Variants in NXPE2 observed in about 807,000 individuals in gnomAD.
NXPE2 encodes the protein NXPE family member 2.
In NXPE2, 34 loss-of-function variants were observed where a neutral mutation model predicts 34.4. That is an observed-to-expected ratio of 0.99 (90% CI 0.75 to 1.31). The LOEUF is 1.31. Ranked by LOEUF, NXPE2 falls within the 40% of genes most tolerant of loss-of-function variation. The probability of loss-of-function intolerance (pLI) is 0.00; values close to 1 mark genes in which losing one functional copy is unlikely to be tolerated. For missense variants in NXPE2, 649 were observed against 672.5 expected (o/e 0.97, Z 0.39); for synonymous variants, 235 against 231.3 (o/e 1.02, Z -0.15).
At chr11:114,701,914 C>T (rs1027086064) in intron 3 of NXPE2, among the ~76,000 whole-genome samples, 15 of 152,144 alleles carry the variant, frequency 9.9e-5, no homozygotes, top group Non-Finnish European at 1.9e-4. Context: ...GGGCTGAATG[C>T]AGGACTTAAG....
the NXPE2 span, among the ~76,000 whole-genome samples, chr11:114,627,730 G>A: frequency 6.6e-6 from 1 of 152,142 alleles, no homozygotes; most frequent in Non-Finnish European, 1.5e-5. Context: ...TTGGCAAATT[G>A]GTTAAAGAGT....
chr11:114,568,502 A>C, the NXPE2 span, among the ~76,000 whole-genome samples: 7 of 122,232 alleles, frequency 5.7e-5, no homozygotes, highest in Admixed American at 9.6e-5. Context: ...TCTCTTCTTC[A>C]CTCTCTTCCT....
At chr11:114,594,248 T>C in the NXPE2 span, among the ~76,000 whole-genome samples, 1,903 of 152,288 alleles carry the variant, frequency 0.012, 41 homozygotes, top group African/African-American at 0.043. Context: ...TACCCTGATA[T>C]GATTACTATG....
chr11:114,495,922 C>G, the NXPE2 span, among the ~76,000 whole-genome samples: 1 of 152,032 alleles, frequency 6.6e-6, no homozygotes, highest in Non-Finnish European at 1.5e-5. Context: ...CTGTCCTCTC[C>G]TTGAGCGCAG....
At chr11:114,797,475 C>T in the NXPE2 span, among the ~76,000 whole-genome samples, 194 of 152,220 alleles carry the variant, frequency 1.3e-3, no homozygotes, top group Non-Finnish European at 2.0e-3. Context: ...AGGTAGCTTC[C>T]GCCAGGTCAC....
chr11:114,531,891 T>C, the NXPE2 span, among the ~76,000 whole-genome samples: 1 of 152,222 alleles, frequency 6.6e-6, no homozygotes, highest in Non-Finnish European at 1.5e-5. Context: ...TTTCCAATCT[T>C]GCTGGTAGTC....
At chr11:114,530,332 A>G in the NXPE2 span, 4 of 1,614,170 alleles carry the variant, frequency 2.5e-6, no homozygotes, top group Non-Finnish European at 2.5e-6. Context: ...TCAGCATTTG[A>G]GTTTAGGGTC....
At chr11:114,530,038 C>T in the NXPE2 span, 1 of 854,664 alleles carries the variant, frequency 1.2e-6, no homozygotes, top group South Asian at 1.8e-5. Flanking sequence ...TGAGTAGAGG[C>T]CCCAAGAAGA....
chr11:114,472,294 G>T, the NXPE2 span, among the ~76,000 whole-genome samples: 1 of 152,128 alleles, frequency 6.6e-6, no homozygotes, highest in African/African-American at 2.4e-5. Flanking sequence ...CCTAAAGCAG[G>T]GGTGTTTAAT....
chr11:114,628,948 T>G, the NXPE2 span, among the ~76,000 whole-genome samples: 1 of 152,058 alleles, frequency 6.6e-6, no homozygotes, highest in Admixed American at 6.6e-5. Context: ...CCTCGACACA[T>G]ACACCCTCCC....
chr11:114,534,772 G>A, the NXPE2 span, among the ~76,000 whole-genome samples: 1,289 of 152,242 alleles, frequency 8.5e-3, 28 homozygotes, highest in African/African-American at 0.029. Context: ...CAAGAAATAT[G>A]GGACTATGTG....
the NXPE2 span, among the ~76,000 whole-genome samples, chr11:114,771,086 G>A: frequency 1.3e-5 from 2 of 151,946 alleles, no homozygotes; most frequent in South Asian, 2.1e-4. Context: ...GACATATGGT[G>A]GATACTCAAT....
chr11:114,773,078 G>A, the NXPE2 span, among the ~76,000 whole-genome samples: 1 of 152,140 alleles, frequency 6.6e-6, no homozygotes. Flanking sequence ...GATGATCTCA[G>A]TGCACTAACC....
the NXPE2 span, among the ~76,000 whole-genome samples, chr11:114,779,003 G>T: frequency 1.3e-5 from 2 of 152,180 alleles, no homozygotes; most frequent in Non-Finnish European, 2.9e-5. Flanking sequence ...CCACGAGCAG[G>T]CCTGTCCACA....
At chr11:114,593,227 A>G in the NXPE2 span, among the ~76,000 whole-genome samples, 3 of 152,296 alleles carry the variant, frequency 2.0e-5, no homozygotes, top group East Asian at 1.9e-4. Flanking sequence ...CAATCAAGTG[A>G]GTGAAGAGTT....
the NXPE2 span, chr11:114,521,958 TA>T: frequency 2.5e-5 from 40 of 1,590,084 alleles, no homozygotes; most frequent in Non-Finnish European, 3.3e-5. Context: ...TTTTGTATAG[TA>T]TTTATCCCTT....
chr11:114,639,866 T>A, the NXPE2 span, among the ~76,000 whole-genome samples: 207 of 44,324 alleles, frequency 4.7e-3, no homozygotes, highest in South Asian at 6.2e-3. Flanking sequence ...ATATTATATT[T>A]TATATTAAAT....
chr11:114,531,288 ACT>A, the NXPE2 span, among the ~76,000 whole-genome samples: 1 of 152,034 alleles, frequency 6.6e-6, no homozygotes, highest in Non-Finnish European at 1.5e-5. Flanking sequence ...TGATAAGTTT[ACT>A]CTTTCTTTTC....
At chr11:114,717,846 T>C in the NXPE2 span, among the ~76,000 whole-genome samples, 1 of 152,128 alleles carries the variant, frequency 6.6e-6, no homozygotes, top group Non-Finnish European at 1.5e-5. Context: ...AGAGTGAGGG[T>C]TACCAGAAGT....
Sources: allele counts gnomAD v4.1 joint callset (sites outside exome capture counted in the v4.1 genomes callset), GRCh38; gene constraint gnomAD v4.1.1; transcripts MANE v1.5; gene names NCBI Gene and HGNC (gene_info 2026-07-23, HGNC 2026-07-21).